IQSEC1: variants seen among roughly 807,000 people sequenced by gnomAD.
IQSEC1 encodes IQ motif and Sec7 domain ArfGEF 1.
In IQSEC1, 31 loss-of-function variants were observed where a neutral mutation model predicts 91.0. That is an observed-to-expected ratio of 0.34 (90% CI 0.26 to 0.46). IQSEC1 has a LOEUF of 0.46. Ranked by LOEUF, IQSEC1 falls within the 20% of genes least tolerant of loss-of-function variation. IQSEC1 has a pLI of 1.00. For synonymous variants in IQSEC1, 699 were observed against 662.6 expected, an observed-to-expected ratio of 1.05 and a Z score of -0.84; for missense variants, 1,388 against 1,575.6, an observed-to-expected ratio of 0.88 and a Z score of 2.02.
chr3:13,039,026 C>A (rs943903780), intron 1 of IQSEC1, among the ~76,000 whole-genome samples: 8 of 152,252 alleles, frequency 5.3e-5, no homozygotes, highest in Non-Finnish European at 2.9e-5. Context: ...TCCACCACAC[C>A]ATTAACAGCT....
chr3:13,227,204 C>T (rs1694768251), intron 1 of IQSEC1, among the ~76,000 whole-genome samples: 2 of 151,842 alleles, frequency 1.3e-5, no homozygotes, highest in South Asian at 4.2e-4. Flanking sequence ...GGTGAAACCC[C>T]GTCTCTACTA....
chr3:12,903,289 G>A (rs898919293), intron 12 of IQSEC1, among the ~76,000 whole-genome samples: 8 of 152,118 alleles, frequency 5.3e-5, no homozygotes, highest in East Asian at 2.0e-4. Flanking sequence ...GTGTATATCC[G>A]CACACACACA....
At chr3:12,958,142 C>T (rs1257333427) in intron 1 of IQSEC1, among the ~76,000 whole-genome samples, 1 of 152,216 alleles carries the variant, frequency 6.6e-6, no homozygotes, top group African/African-American at 2.4e-5. Context: ...CGAGCTCCCC[C>T]TGCCCTTGCA....
At position 13,228,117 on chromosome 3, in the gene IQSEC1, A is replaced by C. The variant is rs779576165; in HGVS notation, c.272+54594T>G. On this transcript the variant is annotated intron_variant, in intron 1 of 15. Coordinates refer to the IQSEC1 transcript ENST00000648114. Reference sequence around the variant, plus strand: ...CCAGGCAGCCCGGCTCCTGCTGGTAAATGCACTGAAAAGTCCATCTTTTCC... The same window carrying C: ...CCAGGCAGCCCGGCTCCTGCTGGTACATGCACTGAAAAGTCCATCTTTTCC... Among the ~76,000 whole-genome samples, 11 of 152,160 alleles carry C rather than the reference A, an allele frequency of 7.2e-5. No homozygotes were observed. The South Asian group carries it at 8.3e-4, about 12-fold the overall frequency.
rs534679763 is a variant in IQSEC1 at position 13,223,908 on chromosome 3, C to T, written c.272+58803G>A. Among the ~76,000 whole-genome samples, 824 of 152,236 alleles carry T rather than the reference C, an allele frequency of 5.4e-3. 2 individuals are homozygous for T. Among genetic ancestry groups the T allele is most frequent in the Middle Eastern group, 0.02 (6 of 294 alleles). ...TAAGGCGCTGTTGGTTTGGAGTCAC[C>T]GGACATTAATGAGCTTTGGAAGGGA... is the stretch of plus-strand genomic sequence containing the variant. On this transcript the variant is annotated intron_variant, in intron 1 of 15. Coordinates refer to the IQSEC1 transcript ENST00000648114.
At chr3:13,101,419 C>CAAAA (rs5846799) in intron 2 of IQSEC1, among the ~76,000 whole-genome samples, 7,033 of 119,328 alleles carry the variant, frequency 0.059, 310 homozygotes, top group South Asian at 0.18. Flanking sequence ...ATTCCATCTC[C>CAAAA]AAAAAAAAAA....
intron 1 of IQSEC1, among the ~76,000 whole-genome samples, chr3:12,986,265 C>G (rs1701728726): frequency 6.6e-6 from 1 of 152,168 alleles, no homozygotes; most frequent in Admixed American, 6.5e-5. Context: ...CTCTTTGTCC[C>G]GACTTTTTCC....
chr3:12,998,896 A>G (rs1033234842), intron 1 of IQSEC1, among the ~76,000 whole-genome samples: 13 of 151,958 alleles, frequency 8.6e-5, no homozygotes, highest in Admixed American at 6.5e-5. Flanking sequence ...GCCAAGGCTG[A>G]TCTCTGGGTA....
chr3:13,265,447 G>T (rs1053181810), intron 1 of IQSEC1, among the ~76,000 whole-genome samples: 6 of 152,254 alleles, frequency 3.9e-5, no homozygotes, highest in Non-Finnish European at 8.8e-5. Flanking sequence ...ATGAAGCACA[G>T]CTGCAAAATC....
At chr3:13,097,149 C>T (rs773518643) in intron 2 of IQSEC1, among the ~76,000 whole-genome samples, 4 of 152,146 alleles carry the variant, frequency 2.6e-5, no homozygotes, top group African/African-American at 7.2e-5. Context: ...CATGAGCCAC[C>T]GCGCCCGGCC....
At chr3:13,165,139 G>A (rs1038500750) in intron 1 of IQSEC1, among the ~76,000 whole-genome samples, 1 of 152,192 alleles carries the variant, frequency 6.6e-6, no homozygotes, top group African/African-American at 2.4e-5. Flanking sequence ...TGAGACAGAA[G>A]GCAGGTAGTC....
chr3:13,153,974 G>A (rs903204863), intron 2 of IQSEC1, among the ~76,000 whole-genome samples: 2 of 152,080 alleles, frequency 1.3e-5, no homozygotes, highest in Admixed American at 1.3e-4. Flanking sequence ...GCTGGAGTGG[G>A]TGGAAAGGTC....
rs780650652 is a variant in IQSEC1, at chr3:12,967,169, GTC to G, written c.24-25306_24-25305del. ...CACAGCGCTCCTGTCCCAAGGGCGC[GTC>G]TCTCTCTCCCACGCACAAACTCGGG... On this transcript the variant is annotated intron_variant, in intron 1 of 13. Transcript: ENST00000613206. This position sits in a 1 kb window ranked among gnomAD's most constrained non-coding sequence, Gnocchi z 5.9. 6.6e-6 allele frequency among the ~76,000 whole-genome samples: 1 copy of G among 152,034 alleles called. No individual in the cohort carries two copies. Among genetic ancestry groups the G allele is most frequent in the African/African-American group, 2.4e-5 (1 of 41,372 alleles).
chr3:13,039,301 C>A (rs191196207), intron 1 of IQSEC1, among the ~76,000 whole-genome samples: 5 of 152,222 alleles, frequency 3.3e-5, no homozygotes, highest in Admixed American at 6.5e-5. Context: ...TTCCCCTGCC[C>A]GAGCCTCTGG....
chr3:13,203,164 T>TAC (rs10533324), intron 1 of IQSEC1, among the ~76,000 whole-genome samples: 1,698 of 148,096 alleles, frequency 0.011, 19 homozygotes, highest in Middle Eastern at 0.045. Context: ...TTACCACTAC[T>TAC]ACACACACAC....
intron 12 of IQSEC1, among the ~76,000 whole-genome samples, chr3:12,905,629 G>A (rs1376908588): frequency 1.3e-5 from 2 of 152,248 alleles, no homozygotes; most frequent in African/African-American, 2.4e-5. Flanking sequence ...ACATGGTGGG[G>A]AGGGATGTGG....
intron 2 of IQSEC1, among the ~76,000 whole-genome samples, chr3:13,150,300 G>C (rs995382429): frequency 6.6e-6 from 1 of 152,226 alleles, no homozygotes; most frequent in African/African-American, 2.4e-5. Context: ...TCCTAAATCT[G>C]TCTCCTCACA....
chr3:12,951,463 GAAT>G (rs1699540360), intron 1 of IQSEC1, among the ~76,000 whole-genome samples: 2 of 151,320 alleles, frequency 1.3e-5, no homozygotes, highest in African/African-American at 4.8e-5. Context: ...AAAAAAATTA[GAAT>G]AAAAGAAGAG....
chr3:13,041,994 C>T (rs1704290397), intron 1 of IQSEC1, among the ~76,000 whole-genome samples: 1 of 152,202 alleles, frequency 6.6e-6, no homozygotes, highest in South Asian at 2.1e-4. Context: ...GCTTCCCTGC[C>T]TAGGGCTCAC....
Sources: gnomAD v4.1 joint callset for allele counts (sites outside exome capture counted in the v4.1 genomes callset) on GRCh38, gnomAD v4.1.1 for gene constraint, Gnocchi (gnomAD v3.1) non-coding constraint, MANE v1.5 for transcripts, NCBI Gene and HGNC (gene_info 2026-07-23, HGNC 2026-07-21) for gene names.